Variants in PACRG observed in about 807,000 individuals in gnomAD.
The protein encoded by PACRG is parkin coregulated, also known as parkin coregulated gene protein.
Under a neutral mutation model 29.7 loss-of-function variants are expected in PACRG, and 29 were observed. That is an observed-to-expected ratio of 0.98 (90% CI 0.73 to 1.33). The LOEUF is 1.33. PACRG is among the 40% of genes most tolerant of loss of function. The pLI is 0.00. For synonymous variants in PACRG, 116 were observed against 118.7 expected, an observed-to-expected ratio of 0.98 and a Z score of 0.15; for missense variants, 279 against 316.2, an observed-to-expected ratio of 0.88 and a Z score of 0.89.
chr6:163,198,013 G>A (rs1330983688), intron 4 of PACRG, among the ~76,000 whole-genome samples: 1 of 152,198 alleles, frequency 6.6e-6, no homozygotes, highest in Non-Finnish European at 1.5e-5. Context: ...GCAAAGAGAG[G>A]TTTCTAGATA....
intron 2 of PACRG, among the ~76,000 whole-genome samples, chr6:162,820,897 G>C (rs1480919558): frequency 6.6e-6 from 1 of 151,892 alleles, no homozygotes; most frequent in East Asian, 1.9e-4. Flanking sequence ...TTGTACAAGA[G>C]ATCTGCCACG....
Position 162,728,346 on chromosome 6 carries a change from G to A in PACRG, c.111G>A (p.Leu37=), listed in dbSNP as rs572641059. Residue 37 remains leucine, a synonymous_variant, in exon 1 of 5, where the codon CTG becomes CTA. Coordinates refer to ENST00000366888, the MANE Select transcript of PACRG (RefSeq NM_001080379.2). ...TCCCGGTGCACCAGCCTCACTCTCT[G>A]GTTTCTGAGGGTTTCACAGTCAAAG... The part of the protein sequence containing the change: ...QPLPVHQPHS[L]VSEGFTVKAM... 8 of 1,613,762 alleles carry A rather than the reference G, an allele frequency of 5.0e-6. No homozygotes were observed. Among genetic ancestry groups the A allele is most frequent in the Non-Finnish European group, 6.8e-6 (8 of 1,180,018 alleles).
At chr6:163,166,638 TA>T (rs1312836724) in intron 4 of PACRG, among the ~76,000 whole-genome samples, 1 of 152,148 alleles carries the variant, frequency 6.6e-6, no homozygotes, top group African/African-American at 2.4e-5. Context: ...CAAAGCAAAA[TA>T]AAATGTATTT....
intron 2 of PACRG, among the ~76,000 whole-genome samples, chr6:162,818,397 C>T (rs565835490): frequency 2.7e-4 from 41 of 152,066 alleles, no homozygotes; most frequent in South Asian, 8.3e-4. Flanking sequence ...GGGGTGGGGA[C>T]GGGGCTCTTT....
chr6:163,040,380 G>A (rs1455063487), intron 2 of PACRG, among the ~76,000 whole-genome samples: 2 of 152,260 alleles, frequency 1.3e-5, no homozygotes, highest in Non-Finnish European at 2.9e-5. Flanking sequence ...CTAAGGCAGT[G>A]CAGAAGGGAA....
chr6:162,782,784 A>G (rs1459705793), intron 1 of PACRG, among the ~76,000 whole-genome samples: 1 of 151,868 alleles, frequency 6.6e-6, no homozygotes, highest in East Asian at 1.9e-4. Flanking sequence ...TAAATCAAGA[A>G]ATTACTTAGT....
chr6:163,147,397 T>C (rs1441285993), intron 4 of PACRG, among the ~76,000 whole-genome samples: 1 of 152,218 alleles, frequency 6.6e-6, no homozygotes, highest in Non-Finnish European at 1.5e-5. Flanking sequence ...GAAATCTGAC[T>C]ATATAAGCAG....
intron 2 of PACRG, among the ~76,000 whole-genome samples, chr6:163,047,389 G>T (rs553483889): frequency 4.1e-4 from 62 of 152,284 alleles, no homozygotes; most frequent in African/African-American, 1.0e-3. Flanking sequence ...TAAAATAAAT[G>T]CAGTTTTTAA....
intron 4 of PACRG, among the ~76,000 whole-genome samples, chr6:163,211,159 T>A (rs1009193043): frequency 1.3e-5 from 2 of 152,208 alleles, no homozygotes; most frequent in Admixed American, 6.5e-5. Context: ...CACTTAAAGC[T>A]GACCTTTTTT....
intron 2 of PACRG, among the ~76,000 whole-genome samples, chr6:162,978,174 A>T (rs994151900): frequency 2.6e-5 from 4 of 152,298 alleles, no homozygotes; most frequent in South Asian, 2.1e-4. Flanking sequence ...TAACAGCATA[A>T]ATAGCCCCCA....
intron 1 of PACRG, among the ~76,000 whole-genome samples, chr6:162,740,309 C>G (rs1584193916): frequency 6.8e-6 from 1 of 147,656 alleles, no homozygotes; most frequent in East Asian, 1.9e-4. Context: ...GGGACAATAT[C>G]AATCATCTTT....
At chr6:163,272,892 CTTTTTT>C (rs200076248) in intron 4 of PACRG, among the ~76,000 whole-genome samples, 1 of 109,480 alleles carries the variant, frequency 9.1e-6, no homozygotes, top group African/African-American at 3.8e-5. Context: ...ATGCATCATT[CTTTTTT>C]TTTTTTTTTT....
chr6:163,235,695 A>AT (rs1293052171), intron 4 of PACRG, among the ~76,000 whole-genome samples: 1 of 152,102 alleles, frequency 6.6e-6, no homozygotes, highest in Non-Finnish European at 1.5e-5. Flanking sequence ...TCTCTGGAAA[A>AT]TTTTTTCAAT....
intron 2 of PACRG, among the ~76,000 whole-genome samples, chr6:162,982,460 G>A (rs539356591): frequency 6.6e-6 from 1 of 151,470 alleles, no homozygotes; most frequent in Non-Finnish European, 1.5e-5. Flanking sequence ...TTTCCTCTTG[G>A]CAACACTTTT....
chr6:163,029,522 C>T (rs543254525), intron 2 of PACRG, among the ~76,000 whole-genome samples: 1 of 152,282 alleles, frequency 6.6e-6, no homozygotes, highest in East Asian at 1.9e-4. Flanking sequence ...TAGTGTTGTG[C>T]TAAACAAATC....
intron 2 of PACRG, among the ~76,000 whole-genome samples, chr6:163,027,885 C>T (rs1392002259): frequency 6.6e-6 from 1 of 152,194 alleles, no homozygotes; most frequent in Admixed American, 6.5e-5. Context: ...GAGAGCATCT[C>T]TTTTCCAGTG....
chr6:163,148,329 T>G (rs1190765551), intron 4 of PACRG, among the ~76,000 whole-genome samples: 1 of 152,226 alleles, frequency 6.6e-6, no homozygotes, highest in Non-Finnish European at 1.5e-5. Flanking sequence ...TTTACATTTT[T>G]TTCATTGAAT....
intron 2 of PACRG, among the ~76,000 whole-genome samples, chr6:162,988,787 T>C (rs1392288543): frequency 6.6e-6 from 1 of 151,668 alleles, no homozygotes; most frequent in African/African-American, 2.4e-5. Context: ...ACACTATGAA[T>C]TTAAAAGTTT....
At chr6:163,219,841 G>A (rs532776162) in intron 4 of PACRG, among the ~76,000 whole-genome samples, 19 of 152,224 alleles carry the variant, frequency 1.2e-4, no homozygotes, top group East Asian at 5.8e-4. Context: ...CGCTCAGCCC[G>A]GAGCATCCTG....
Sources: gnomAD v4.1 joint callset for allele counts (sites outside exome capture counted in the v4.1 genomes callset) on GRCh38, gnomAD v4.1.1 for gene constraint, MANE v1.5 for transcripts, NCBI Gene and HGNC (gene_info 2026-07-23, HGNC 2026-07-21) for gene names.